Variants in SLC24A2 observed in about 807,000 individuals in gnomAD.
SLC24A2 encodes the protein sodium/potassium/calcium exchanger 2.
Under a neutral mutation model 62.0 loss-of-function variants are expected in SLC24A2, and 36 were observed. The ratio of observed to expected loss-of-function variants is 0.58; its 90% CI spans 0.44 to 0.77. The LOEUF (loss-of-function observed/expected upper bound fraction) is 0.77. Among genes scored for constraint, SLC24A2 ranks in the 30% least tolerant of loss-of-function variants. SLC24A2 has a pLI of 0.00. For missense variants in SLC24A2, 846 were observed against 817.9 expected (o/e 1.03, Z -0.42); for synonymous variants, 358 against 294.0 (o/e 1.22, Z -2.23).
chr9:20,060,271 T>A, the SLC24A2 span, among the ~76,000 whole-genome samples: 1 of 152,032 alleles, frequency 6.6e-6, no homozygotes. Flanking sequence ...TCCCAAAAAA[T>A]AGAAGAGAAC....
chr9:19,977,477 G>A, the SLC24A2 span, among the ~76,000 whole-genome samples: 3 of 152,174 alleles, frequency 2.0e-5, no homozygotes, highest in Middle Eastern at 3.4e-3. Context: ...TAGAGAGAAT[G>A]ATGGCCTTTT....
the SLC24A2 span, among the ~76,000 whole-genome samples, chr9:20,139,390 T>C: frequency 6.6e-5 from 10 of 152,126 alleles, no homozygotes; most frequent in African/African-American, 1.4e-4. Flanking sequence ...AAAAAGACTA[T>C]TGTGAGCAAT....
chr9:20,242,509 T>C, the SLC24A2 span, among the ~76,000 whole-genome samples: 3 of 152,190 alleles, frequency 2.0e-5, no homozygotes, highest in Admixed American at 2.0e-4. Flanking sequence ...AGTGGTCCAA[T>C]GGGAGAAGAC....
At chr9:19,628,642 C>T (rs915166307) in intron 2 of SLC24A2, among the ~76,000 whole-genome samples, 21 of 152,268 alleles carry the variant, frequency 1.4e-4, no homozygotes, top group African/African-American at 5.1e-4. Flanking sequence ...ACACGAATTT[C>T]CTTTGACTAG....
the SLC24A2 span, chr9:19,927,258 C>G: frequency 6.6e-6 from 1 of 152,368 alleles, no homozygotes; most frequent in East Asian, 1.9e-4. Flanking sequence ...TGAAGAGAAG[C>G]TGCCTGTGCC....
At chr9:20,202,714 G>A in the SLC24A2 span, among the ~76,000 whole-genome samples, 35 of 152,220 alleles carry the variant, frequency 2.3e-4, no homozygotes, top group African/African-American at 6.5e-4. Context: ...AAGGCAAGTC[G>A]GATATATTGC....
chr9:20,145,423 G>A, the SLC24A2 span, among the ~76,000 whole-genome samples: 1 of 151,908 alleles, frequency 6.6e-6, no homozygotes, highest in African/African-American at 2.4e-5. Flanking sequence ...GAAGCCCATA[G>A]GATCAATTTA....
chr9:19,779,733 A>C (rs1243129245), intron 2 of SLC24A2, among the ~76,000 whole-genome samples: 1 of 152,234 alleles, frequency 6.6e-6, no homozygotes, highest in Non-Finnish European at 1.5e-5. Flanking sequence ...AGGCTTAAAA[A>C]ATGAAAGTTA....
At chr9:20,215,164 G>A in the SLC24A2 span, among the ~76,000 whole-genome samples, 1 of 152,222 alleles carries the variant, frequency 6.6e-6, no homozygotes. Context: ...CCTTCTCACT[G>A]TGTCCTCACA....
At chr9:20,132,275 G>A in the SLC24A2 span, among the ~76,000 whole-genome samples, 115 of 152,168 alleles carry the variant, frequency 7.6e-4, 3 homozygotes, top group East Asian at 0.011. Context: ...CATTGGAACC[G>A]AGAATTAGAG....
the SLC24A2 span, among the ~76,000 whole-genome samples, chr9:19,869,747 C>G: frequency 6.6e-6 from 1 of 152,128 alleles, no homozygotes; most frequent in Admixed American, 6.5e-5. Context: ...AATCCAACAA[C>G]AGTGTAATTA....
intron 6 of SLC24A2, among the ~76,000 whole-genome samples, chr9:19,573,761 A>G (rs1236095975): frequency 6.6e-6 from 1 of 152,048 alleles, no homozygotes; most frequent in Non-Finnish European, 1.5e-5. Context: ...CTGCTCTGGC[A>G]TGACACTTTA....
the SLC24A2 span, among the ~76,000 whole-genome samples, chr9:19,974,533 T>G: frequency 2.6e-5 from 4 of 152,170 alleles, no homozygotes; most frequent in African/African-American, 9.7e-5. Context: ...TAACCTACGC[T>G]TTAGAACATT....
the SLC24A2 span, among the ~76,000 whole-genome samples, chr9:20,170,522 G>A: frequency 6.6e-6 from 1 of 151,998 alleles, no homozygotes; most frequent in African/African-American, 2.4e-5. Flanking sequence ...CAGTGGCAAA[G>A]CTTGTGAGAT....
At position 19,599,041 on chromosome 9, in the gene SLC24A2, G is replaced by A. The variant is rs1437631482; in HGVS notation, c.1079-1762C>T. Among the ~76,000 whole-genome samples the A allele has an allele frequency of 6.6e-6, 1 of 152,140 alleles. No homozygotes were observed. The highest frequency in any genetic ancestry group is 1.5e-5 in the Non-Finnish European group (1 of 68,016). ...TTCTACACAGTGACAATACACCATT[G>A]CATTTTTATGGATCCATTTTTGTAG... On this transcript the variant is annotated intron_variant, in intron 4 of 10. Transcript: ENST00000341998. The surrounding 1 kb of genome is among the most constrained non-coding windows in gnomAD (Gnocchi z 4.5).
the SLC24A2 span, among the ~76,000 whole-genome samples, chr9:19,953,690 T>C: frequency 2.6e-5 from 4 of 152,052 alleles, no homozygotes; most frequent in Non-Finnish European, 5.9e-5. Flanking sequence ...ATACAAATAT[T>C]TATATTCAAG....
the SLC24A2 span, among the ~76,000 whole-genome samples, chr9:20,085,989 T>C: frequency 2.6e-5 from 4 of 152,220 alleles, no homozygotes; most frequent in African/African-American, 9.6e-5. Flanking sequence ...CAGGATTTTC[T>C]GCCCAGAAAG....
At chr9:19,657,171 C>T (rs939550480) in intron 2 of SLC24A2, among the ~76,000 whole-genome samples, 5 of 152,104 alleles carry the variant, frequency 3.3e-5, no homozygotes, top group South Asian at 2.1e-4. Context: ...GACAGATGCC[C>T]GGCTATGACC....
the SLC24A2 span, among the ~76,000 whole-genome samples, chr9:19,900,015 C>A: frequency 9.5e-3 from 1,442 of 152,170 alleles, 11 homozygotes; most frequent in Non-Finnish European, 0.017. Flanking sequence ...ACTATTGTAC[C>A]CTGAACCTTC....
Sources: allele counts gnomAD v4.1 joint callset (sites outside exome capture counted in the v4.1 genomes callset), GRCh38; gene constraint gnomAD v4.1.1; non-coding constraint Gnocchi (gnomAD v3.1); transcripts MANE v1.5; gene names NCBI Gene and HGNC (gene_info 2026-07-23, HGNC 2026-07-21).